Variants in LRRC37A2 observed in about 807,000 individuals in gnomAD.
LRRC37A2 encodes leucine rich repeat containing 37 member A2.
LRRC37A2 carries 9 observed loss-of-function variants against 68.8 expected under a neutral mutation model. The ratio of observed to expected loss-of-function variants is 0.13; its 90% CI spans 0.08 to 0.23. The LOEUF (loss-of-function observed/expected upper bound fraction) is 0.23, where lower values mean the gene tolerates loss of function less well. Among genes scored for constraint, LRRC37A2 ranks in the 10% least tolerant of loss-of-function variants. LRRC37A2 has a pLI of 1.00. For missense variants in LRRC37A2, 168 were observed against 950.4 expected (o/e 0.18, Z 10.82); for synonymous variants, 63 against 367.6 (o/e 0.17, Z 9.48).
chr17:46,573,956 C>T, the LRRC37A2 span, among the ~76,000 whole-genome samples: 1 of 77,092 alleles, frequency 1.3e-5, no homozygotes, highest in East Asian at 2.7e-4. Context: ...CTGTGCCTCC[C>T]GGGCTGAAGT....
At chr17:46,773,755 C>G in the LRRC37A2 span, 2 of 1,613,202 alleles carry the variant, frequency 1.2e-6, no homozygotes, top group East Asian at 2.2e-5. Context: ...TGCTGGCACT[C>G]CTGGATGCCC....
the LRRC37A2 span, among the ~76,000 whole-genome samples, chr17:46,912,565 T>C: frequency 6.6e-6 from 1 of 152,190 alleles, no homozygotes; most frequent in South Asian, 2.1e-4. Context: ...ACAACTTCCT[T>C]GGAGTCCCCT....
the LRRC37A2 span, chr17:46,721,891 G>A: frequency 3.3e-5 from 53 of 1,586,198 alleles, no homozygotes; most frequent in East Asian, 2.9e-4. Context: ...CGATAAAGAC[G>A]ACATGCTTCC....
chr17:46,525,614 AATCATCATC>A (rs745821194), intron 6 of LRRC37A2, among the ~76,000 whole-genome samples: 5 of 114,488 alleles, frequency 4.4e-5, no homozygotes, highest in African/African-American at 1.2e-4. Context: ...TAATAATAAT[AATCATCATC>A]ATCATCATCA....
chr17:46,825,169 G>A, the LRRC37A2 span, among the ~76,000 whole-genome samples: 139 of 152,376 alleles, frequency 9.1e-4, 1 homozygote, highest in Middle Eastern at 0.031. Flanking sequence ...TAGCATGGCT[G>A]TGATCCTACC....
chr17:46,805,128 A>G, the LRRC37A2 span, among the ~76,000 whole-genome samples: 1 of 152,152 alleles, frequency 6.6e-6, no homozygotes, highest in African/African-American at 2.4e-5. Flanking sequence ...CTCCAGACAC[A>G]GGAAGATTCA....
chr17:46,657,970 A>ATTTAT, the LRRC37A2 span, among the ~76,000 whole-genome samples: 1 of 14,894 alleles, frequency 6.7e-5, no homozygotes, highest in Non-Finnish European at 1.4e-4. Flanking sequence ...TATTTTATTT[A>ATTTAT]TTTTTTTTTT....
chr17:46,502,287 C>T, the LRRC37A2 span, among the ~76,000 whole-genome samples: 1 of 151,056 alleles, frequency 6.6e-6, no homozygotes. Flanking sequence ...TTGACCCCCA[C>T]TGTTATCTAG....
the LRRC37A2 span, chr17:46,833,447 G>A: frequency 2.0e-6 from 1 of 511,526 alleles, no homozygotes; most frequent in Non-Finnish European, 3.9e-6. Flanking sequence ...GAAGGTGAGT[G>A]TTAGGGAGGA....
chr17:46,995,054 T>G, the LRRC37A2 span, among the ~76,000 whole-genome samples: 1 of 152,066 alleles, frequency 6.6e-6, no homozygotes, highest in East Asian at 1.9e-4. Context: ...GCCTGGGAGG[T>G]AGAGGTTGCA....
chr17:46,552,765 C>T (rs2056911005), intron 11 of LRRC37A2: 1 of 98,926 alleles, frequency 1.0e-5, no homozygotes, highest in Admixed American at 1.1e-4. Context: ...CAACAATGTA[C>T]AATATGTATA....
intron 6 of LRRC37A2, among the ~76,000 whole-genome samples, chr17:46,534,793 C>A (rs1385071133): frequency 1.4e-5 from 2 of 147,624 alleles, no homozygotes; most frequent in Non-Finnish European, 2.9e-5. Flanking sequence ...CGCCCCCCCA[C>A]CTCCCGGAGG....
At chr17:46,932,275 A>G in the LRRC37A2 span, 3 of 1,567,882 alleles carry the variant, frequency 1.9e-6, no homozygotes, top group Admixed American at 3.3e-5. Flanking sequence ...TCTGAGCGCC[A>G]TCTGTTTTGG....
At chr17:46,969,684 C>T in the LRRC37A2 span, among the ~76,000 whole-genome samples, 96 of 152,302 alleles carry the variant, frequency 6.3e-4, no homozygotes, top group Admixed American at 1.5e-3. Flanking sequence ...GCCTTAAACA[C>T]GGAAGAGTTC....
the LRRC37A2 span, among the ~76,000 whole-genome samples, chr17:46,799,011 G>A: frequency 2.2e-5 from 3 of 138,360 alleles, no homozygotes; most frequent in Non-Finnish European, 4.5e-5. Context: ...TCACACCACT[G>A]TACTCCAGCC....
At chr17:46,498,889 A>G in the LRRC37A2 span, among the ~76,000 whole-genome samples, 3 of 150,908 alleles carry the variant, frequency 2.0e-5, no homozygotes, top group Admixed American at 1.3e-4. Flanking sequence ...ATACGTATAT[A>G]TATCTACATA....
the LRRC37A2 span, among the ~76,000 whole-genome samples, chr17:46,986,935 G>C: frequency 6.6e-6 from 1 of 152,164 alleles, no homozygotes; most frequent in Admixed American, 6.5e-5. Flanking sequence ...GTGGCTCAGA[G>C]GCTGGCGGAG....
chr17:46,846,596 C>T, the LRRC37A2 span, among the ~76,000 whole-genome samples: 1 of 152,234 alleles, frequency 6.6e-6, no homozygotes, highest in Non-Finnish European at 1.5e-5. Flanking sequence ...TCCAGCTGCC[C>T]TTGGCCACAG....
At chr17:46,930,860 CT>C in the LRRC37A2 span, 2 of 463,440 alleles carry the variant, frequency 4.3e-6, no homozygotes, top group Non-Finnish European at 7.7e-6. Context: ...TTACCTTCAG[CT>C]TTTTTAAAAA....
Sources: allele counts gnomAD v4.1 joint callset (sites outside exome capture counted in the v4.1 genomes callset), GRCh38; gene constraint gnomAD v4.1.1; transcripts MANE v1.5; gene names NCBI Gene and HGNC (gene_info 2026-07-23, HGNC 2026-07-21).